The following RAB44 variants were observed in gnomAD, a reference collection of about 807,000 sequenced individuals.
RAB44 encodes RAB44, member RAS oncogene family, also known as ras-related protein Rab-44.
Under a neutral mutation model 93.3 loss-of-function variants are expected in RAB44, and 67 were observed. That is an observed-to-expected ratio of 0.72 (90% CI 0.59 to 0.88). RAB44 has a LOEUF of 0.88. Among genes scored for constraint, RAB44 ranks in the 40% least tolerant of loss-of-function variants. The pLI is 0.00. For synonymous variants in RAB44, 427 were observed against 520.3 expected (o/e 0.82, Z 2.44); for missense variants, 1,064 against 1,261.7 (o/e 0.84, Z 2.37).
Position 36,721,895 on chromosome 6 carries a change from T to C in RAB44, c.1761T>C (p.Asp587=). The C allele has an allele frequency of 8.1e-7, 1 of 1,235,146 alleles. No individual in the cohort carries two copies. Among genetic ancestry groups the C allele is most frequent in the Non-Finnish European group, 1.0e-6 (1 of 988,866 alleles). 76.5% of individuals were successfully genotyped at this position (1,235,146 alleles called of 1,614,324 possible). A position where few individuals can be genotyped will look rare whatever the true frequency, so the allele number is the denominator to read the frequency against. ...VGPAKPPRQR[D]ALQQDLHATG... is the part of the protein sequence containing the mutation. ...CAGCCAAGCCGCCCAGGCAGAGAGA[T>C]GCCCTCCAGCAGGACCTGCATGCCA... Residue 587 remains aspartate, a synonymous_variant, in exon 9 of 14, where the codon GAT becomes GAC. Transcript: ENST00000612677.
intron 1 of RAB44, among the ~76,000 whole-genome samples, chr6:36,702,456 C>T (rs1244935391): frequency 1.3e-5 from 2 of 152,160 alleles, no homozygotes; most frequent in Non-Finnish European, 2.9e-5. Context: ...CGTGGAATGA[C>T]CCCCTGGAAT....
At position 36,717,369 on chromosome 6, in the gene RAB44, C is replaced by A; in HGVS notation, c.591C>A (p.Arg197=). 1 of 1,232,200 alleles carries A rather than the reference C, an allele frequency of 8.1e-7. No homozygotes were observed. Among genetic ancestry groups the A allele is most frequent in the Non-Finnish European group, 1.0e-6 (1 of 988,006 alleles). The allele number at this position is 1,232,200 out of a possible 1,614,324, so 76.3% of individuals were successfully genotyped here. A position where few individuals can be genotyped will look rare whatever the true frequency, so the allele number is the denominator to read the frequency against. The change falls in exon 5 of 14, where the codon CGC becomes CGA. Residue 197 remains arginine, a synonymous_variant. Coordinates refer to ENST00000612677, the MANE Select transcript of RAB44 (RefSeq NM_001257357.2). This position sits in a 1 kb window ranked among gnomAD's most constrained non-coding sequence, Gnocchi z 4.1. ...GCTTTCTGGCCAAGATGACCAGCCGCCTGCAGGAGGCCCAGGCGGACAAGG... is the reference window on the plus strand; with the variant it reads ...GCTTTCTGGCCAAGATGACCAGCCGACTGCAGGAGGCCCAGGCGGACAAGG... ...LAGFLAKMTS[R]LQEAQADKEA...
intron 9 of RAB44, among the ~76,000 whole-genome samples, chr6:36,723,060 G>T (rs1462707276): frequency 1.3e-5 from 2 of 152,250 alleles, no homozygotes; most frequent in African/African-American, 2.4e-5. Context: ...GCAGGCCAGA[G>T]CAGGTTCTGT....
rs1428028091 is a variant in RAB44, at chr6:36,732,009, C to T, written c.2982C>T (p.Leu994=). Residue 994 remains leucine (L), a synonymous_variant, in exon 14 of 14, where the codon CTC becomes CTT. Transcript: ENST00000612677. Reference sequence around the variant, plus strand: ...GCCTGGCACTGTCACATAGGTCACTCAGGATGCAAGAAGAAGGCCTGAAGG... The same window carrying T: ...GCCTGGCACTGTCACATAGGTCACTTAGGATGCAAGAAGAAGGCCTGAAGG... ...LEPVVNLARS[L]RMQEEGLKDS... is the part of the protein sequence containing the mutation. The T allele has an allele frequency of 7.3e-6, 9 of 1,234,040 alleles. No individual in the cohort carries two copies. Among genetic ancestry groups the T allele is most frequent in the Non-Finnish European group, 9.1e-6 (9 of 988,182 alleles). 76.4% of individuals were successfully genotyped at this position (1,234,040 alleles called of 1,614,324 possible).
intron 12 of RAB44, among the ~76,000 whole-genome samples, chr6:36,730,078 T>C (rs1339874429): frequency 6.6e-6 from 1 of 152,158 alleles, no homozygotes; most frequent in African/African-American, 2.4e-5. Context: ...TACAATATAA[T>C]AGAAAATCAT....
At chr6:36,725,701 T>A (rs1161631114) in intron 9 of RAB44, 161 bp from the exon 10 acceptor site, 2 of 610,130 alleles carry the variant, frequency 3.3e-6, no homozygotes, top group African/African-American at 3.6e-5. Context: ...AGGAAGTGGG[T>A]CCTCGAGTAT....
At position 36,730,833 on chromosome 6, in the gene RAB44, A is replaced by G. The variant is rs948716939; in HGVS notation, c.2975+84A>G. The G allele has an allele frequency of 1.3e-5, 7 of 555,998 alleles. No individual in the cohort carries two copies. In the African/African-American group the frequency reaches 1.9e-4, roughly 15 times the overall value. 34.4% of individuals were successfully genotyped at this position (555,998 alleles called of 1,614,324 possible). On this transcript the variant is annotated intron_variant, in intron 13 of 13. Coordinates refer to ENST00000612677, the MANE Select transcript of RAB44 (RefSeq NM_001257357.2). ...AGCTCCGGCCCCACTCTTGACTCCC[A>G]GGTGGGACAGGAAGGCCCATTCTGA...
chr6:36,716,810 T>G (rs564079681), intron 4 of RAB44, among the ~76,000 whole-genome samples: 1 of 152,330 alleles, frequency 6.6e-6, no homozygotes, highest in African/African-American at 2.4e-5. Flanking sequence ...AAGCAGCCTT[T>G]ATTGGGCACC....
Position 36,704,178 on chromosome 6 carries a change from G to T in RAB44, c.-12-46G>T, listed in dbSNP as rs1762581148. ...GGGGAGGGTTTTGAGCCATGAGAGG[G>T]CGTGACTGTCCAGCAGCCCGGTGCC... On this transcript the variant is annotated intron_variant, in intron 1 of 13. Transcript: ENST00000612677. 3 of 1,471,920 alleles carry T rather than the reference G, an allele frequency of 2.0e-6. No homozygotes were observed. The African/African-American group carries it at 4.2e-5, about 21-fold the overall frequency. The allele number at this position is 1,471,920 out of a possible 1,614,324, so 91.2% of individuals were successfully genotyped here.
chr6:36,698,331 C>T (rs1408613808), intron 1 of RAB44, among the ~76,000 whole-genome samples: 5 of 152,168 alleles, frequency 3.3e-5, no homozygotes, highest in African/African-American at 7.2e-5. Flanking sequence ...CAGTTCTGAG[C>T]GCCCTTTGGT....
At chr6:36,727,728 C>T (rs1213371562) in intron 11 of RAB44, 37 bp downstream of exon 11, 1 of 1,360,244 alleles carries the variant, frequency 7.4e-7, no homozygotes, top group East Asian at 2.5e-5. Context: ...CCCAGTCCCT[C>T]CAGTCAAGAG....
At chr6:36,701,461 G>A (rs1489705331) in intron 1 of RAB44, among the ~76,000 whole-genome samples, 2 of 152,058 alleles carry the variant, frequency 1.3e-5, no homozygotes, top group Non-Finnish European at 2.9e-5. Context: ...ACATTCTAGG[G>A]GACCATGAAT....
In RAB44 at chr6:36,721,506, G is replaced by A; in HGVS notation, c.1372G>A (p.Glu458Lys). The A allele has an allele frequency of 1.6e-6, 2 of 1,234,554 alleles. No homozygotes were observed. The highest frequency in any genetic ancestry group is 2.0e-6 in the Non-Finnish European group (2 of 988,344). 76.5% of individuals were successfully genotyped at this position (1,234,554 alleles called of 1,614,324 possible). A position where few individuals can be genotyped will look rare whatever the true frequency, so the allele number is the denominator to read the frequency against. ...CCCACATGAGCAGGACATTAGAGCA[G>A]AGCAGCCTGTTGAACCGCACGACCC... ...VDPHEQDIRA[E>K]QPVEPHDPDP... Residue 458 changes from glutamate (E) to lysine (K), a missense_variant, in exon 9 of 14, where the codon GAG (glutamate) becomes AAG (lysine). Physicochemically the swap from Glu to Lys is moderately conservative, Grantham distance 56. Coordinates refer to ENST00000612677, the MANE Select transcript of RAB44 (RefSeq NM_001257357.2).
intron 2 of RAB44, among the ~76,000 whole-genome samples, chr6:36,711,860 G>A (rs1404572362): frequency 4.7e-5 from 7 of 149,086 alleles, no homozygotes; most frequent in South Asian, 4.2e-4. Flanking sequence ...CCAAGATTGC[G>A]CCACTGCATT....
In RAB44 at chr6:36,704,319, T is replaced by C; in HGVS notation, c.84T>C (p.Gly28=). The C allele has an allele frequency of 1.3e-6, 2 of 1,536,124 alleles. No homozygotes were observed. The highest frequency in any genetic ancestry group is 1.7e-4 in the Middle Eastern group (1 of 5,990). Residue 28 remains glycine (G), a synonymous_variant, in exon 2 of 14, where the codon GGT becomes GGC. Coordinates refer to ENST00000612677, the MANE Select transcript of RAB44 (RefSeq NM_001257357.2). The part of the protein sequence containing the change: ...RRRQTREPAD[G]EGAAVAPEPE... ...GGCAGACAAGAGAGCCAGCTGATGGTGAAGGCGCTGCAGTGGCCCCAGAGC... is the reference window on the plus strand; with the variant it reads ...GGCAGACAAGAGAGCCAGCTGATGGCGAAGGCGCTGCAGTGGCCCCAGAGC...
chr6:36,715,653 A>G lies in RAB44; in HGVS notation c.494A>G (p.Lys165Arg), dbSNP rs1251721146. ...CTGGGGACTGGACACTTACTTCCCA[A>G]GTAAGGCCAGGGCGGCATGTGCATG... is the stretch of plus-strand genomic sequence containing the variant. ...EQLGTGHLLPKQMEIWQLWGQ... is the reference protein window; with the variant it reads ...EQLGTGHLLPRQMEIWQLWGQ... Residue 165 changes from lysine to arginine, a missense_variant and splice_region_variant, in exon 4 of 14, where the codon AAG becomes AGG. Transcript: ENST00000612677. 5 of 1,535,866 alleles carry G rather than the reference A, an allele frequency of 3.3e-6. No individual in the cohort carries two copies. In the South Asian group the frequency reaches 5.9e-5, roughly 18 times the overall value.
intron 2 of RAB44, among the ~76,000 whole-genome samples, chr6:36,708,027 A>G (rs1387736076): frequency 6.6e-6 from 1 of 152,122 alleles, no homozygotes; most frequent in South Asian, 2.1e-4. Context: ...TCTGGACAAT[A>G]TGGAGAGATT....
Position 36,732,320 on chromosome 6 carries a change from C to A in RAB44, c.*227C>A, listed in dbSNP as rs550867420. 3.1e-4 allele frequency: 87 copies of A among 277,216 alleles called. No individual in the cohort carries two copies. Among genetic ancestry groups the A allele is most frequent in the Non-Finnish European group, 3.9e-4 (59 of 149,568 alleles). The allele number at this position is 277,216 out of a possible 1,614,324, so 17.2% of individuals were successfully genotyped here. On this transcript the variant is annotated 3_prime_UTR_variant, in exon 14 of 14. Transcript: ENST00000612677. ...CAAGGCTTGAGGGGCAGGGGTATGG[C>A]AAAACTCTCCAAACAAAGAAAGTCT... is the stretch of plus-strand genomic sequence containing the variant.
At chr6:36,702,601 T>C (rs913208191) in intron 1 of RAB44, among the ~76,000 whole-genome samples, 1 of 152,194 alleles carries the variant, frequency 6.6e-6, no homozygotes, top group Non-Finnish European at 1.5e-5. Context: ...TCTGCCTCGA[T>C]TCCTTCACAC....
Sources: gnomAD v4.1 joint callset for allele counts (sites outside exome capture counted in the v4.1 genomes callset) on GRCh38, gnomAD v4.1.1 for gene constraint, Gnocchi (gnomAD v3.1) non-coding constraint, MANE v1.5 for transcripts, NCBI Gene and HGNC (gene_info 2026-07-23, HGNC 2026-07-21) for gene names.